Variants in SCN2A observed in about 807,000 individuals in gnomAD.
SCN2A encodes sodium channel protein type 2 subunit alpha.
Under a neutral mutation model 188.7 loss-of-function variants are expected in SCN2A, and 20 were observed. That is an observed-to-expected ratio of 0.11 (90% CI 0.07 to 0.15). SCN2A has a LOEUF of 0.15. Ranked by LOEUF, SCN2A falls within the 10% of genes least tolerant of loss-of-function variation. SCN2A has a pLI of 1.00. For synonymous variants in SCN2A, 804 were observed against 833.1 expected, an observed-to-expected ratio of 0.97 and a Z score of 0.60; for missense variants, 1,278 against 2,445.0, an observed-to-expected ratio of 0.52 and a Z score of 10.07.
At position 165,389,426 on chromosome 2, in the gene SCN2A, G is replaced by A. The variant is rs753977894; in HGVS notation, c.5620G>A (p.Ala1874Thr). 5.1e-5 allele frequency: 83 copies of A among 1,613,800 alleles called. No homozygotes were observed. Among genetic ancestry groups the A allele is most frequent in the Non-Finnish European group, 6.9e-5 (81 of 1,179,972 alleles). Residue 1874 changes from alanine to threonine, a missense_variant, in exon 27 of 27, where the codon GCC becomes ACC. Coordinates refer to ENST00000375437, the MANE Select transcript of SCN2A (RefSeq NM_001040142.2). This position sits in a 1 kb window ranked among gnomAD's most constrained non-coding sequence, Gnocchi z 4.2. Reference protein sequence around the residue: ...RVLGESGEMDALRIQMEERFM... With the variant: ...RVLGESGEMDTLRIQMEERFM... ...TTTGGGTGAGAGTGGAGAGATGGAT[G>A]CCCTTCGAATACAGATGGAAGAGCG... is the stretch of plus-strand genomic sequence containing the variant.
chr2:165,242,017 T>C (rs1693644646), intron 1 of SCN2A, among the ~76,000 whole-genome samples: 1 of 152,130 alleles, frequency 6.6e-6, no homozygotes, highest in Non-Finnish European at 1.5e-5. Context: ...GAAGCTTTTG[T>C]TGTCGGTGTT....
At chr2:165,275,556 A>G (rs1265049523) in intron 1 of SCN2A, among the ~76,000 whole-genome samples, 2 of 152,176 alleles carry the variant, frequency 1.3e-5, no homozygotes, top group African/African-American at 2.4e-5. Flanking sequence ...CCCTTAGTAG[A>G]CATTTCAAAA....
intron 11 of SCN2A, among the ~76,000 whole-genome samples, chr2:165,319,375 T>C (rs1451985216): frequency 1.3e-5 from 2 of 152,162 alleles, no homozygotes; most frequent in African/African-American, 4.8e-5. Context: ...TGGTTCTTAC[T>C]GTAAATAATG....
In SCN2A at chr2:165,370,195, T is replaced by G; in HGVS notation, c.3745T>G (p.Phe1249Val). 1 of 1,614,116 alleles carries G rather than the reference T, an allele frequency of 6.2e-7. No homozygotes were observed. Among genetic ancestry groups the G allele is most frequent in the Non-Finnish European group, 8.5e-7 (1 of 1,179,962 alleles). Reference protein sequence around the residue: ...KTMLEYADKVFTYIFILEMLL... With the variant: ...KTMLEYADKVVTYIFILEMLL... ...CATGTTAGAATATGCTGACAAGGTT[T>G]TCACTTACATATTCATTCTGGAAAT... is the stretch of plus-strand genomic sequence containing the variant. The change falls in exon 20 of 27, where the codon TTC becomes GTC. Residue 1249 changes from phenylalanine (F) to valine (V), a missense_variant. Physicochemically the swap from Phe to Val is conservative, Grantham distance 50 (BLOSUM62 -1). Coordinates refer to ENST00000375437, the MANE Select transcript of SCN2A (RefSeq NM_001040142.2).
chr2:165,388,846 C>T lies in SCN2A; in HGVS notation c.5040C>T (p.Ser1680=). Residue 1680 remains serine, a synonymous_variant, in exon 27 of 27, where the codon TCC becomes TCT. Transcript: ENST00000375437. The stretch of plus-strand genomic sequence containing the variant: ...TCATCTACGCCATCTTTGGGATGTC[C>T]AATTTTGCCTATGTTAAGAGGGAAG... ...VMFIYAIFGM[S]NFAYVKREVG... is the part of the protein sequence containing the mutation. 6.2e-7 allele frequency: 1 copy of T among 1,613,968 alleles called. No individual in the cohort carries two copies. The highest frequency in any genetic ancestry group is 1.3e-5 in the African/African-American group (1 of 74,990).
At chr2:165,281,320 G>A (rs578001659) in intron 1 of SCN2A, among the ~76,000 whole-genome samples, 1 of 152,026 alleles carries the variant, frequency 6.6e-6, no homozygotes, top group Non-Finnish European at 1.5e-5. Context: ...TTCAGTTGTA[G>A]GGGATGGTGT....
intron 1 of SCN2A, among the ~76,000 whole-genome samples, chr2:165,280,705 T>C (rs1481602165): frequency 6.6e-6 from 1 of 152,120 alleles, no homozygotes. Flanking sequence ...GCCACTTCTG[T>C]AGGGCTTTGT....
At position 165,365,204 on chromosome 2, in the gene SCN2A, G is replaced by A. The variant is rs995379212; in HGVS notation, c.3461G>A (p.Gly1154Glu). Residue 1154 changes from glycine to glutamate, a missense_variant, in exon 18 of 27, where the codon GGA becomes GAA. Gly to Glu is a moderately conservative substitution (Grantham distance 98). Coordinates refer to ENST00000375437, the MANE Select transcript of SCN2A (RefSeq NM_001040142.2). Reference sequence around the variant, plus strand: ...GTTGATATTGGAGCTCCCGCCGAGGGAGAACAGCCTGAGGTTGAACCTGAG... The same window carrying A: ...GTTGATATTGGAGCTCCCGCCGAGGAAGAACAGCCTGAGGTTGAACCTGAG... ...STVDIGAPAEGEQPEVEPEES... is the reference protein window; with the variant it reads ...STVDIGAPAEEEQPEVEPEES... 5.6e-6 allele frequency: 9 copies of A among 1,613,844 alleles called. No individual in the cohort carries two copies. Among genetic ancestry groups the A allele is most frequent in the Non-Finnish European group, 6.8e-6 (8 of 1,179,924 alleles).
chr2:165,306,403 C>A (rs16850375), intron 3 of SCN2A, among the ~76,000 whole-genome samples: 1 of 151,728 alleles, frequency 6.6e-6, no homozygotes, highest in East Asian at 1.9e-4. Context: ...GCACAGGGGA[C>A]CCTCTAGTTT....
At chr2:165,299,568 AG>A (rs1255470377) in intron 3 of SCN2A, among the ~76,000 whole-genome samples, 1 of 152,230 alleles carries the variant, frequency 6.6e-6, no homozygotes, top group Non-Finnish European at 1.5e-5. Context: ...TGAGGCTAAT[AG>A]TCTAAGATAC....
chr2:165,288,841 T>C (rs1695974267), intron 1 of SCN2A, among the ~76,000 whole-genome samples: 1 of 152,060 alleles, frequency 6.6e-6, no homozygotes, highest in African/African-American at 2.4e-5. Context: ...GACTTGAACC[T>C]ATGGAATAAG....
intron 1 of SCN2A, chr2:165,273,455 G>T (rs1335998784): frequency 6.6e-6 from 1 of 151,952 alleles, no homozygotes; most frequent in Non-Finnish European, 1.5e-5. Context: ...CCAACACAAA[G>T]AAAAAACACA....
intron 1 of SCN2A, among the ~76,000 whole-genome samples, chr2:165,253,031 T>C (rs1427429276): frequency 6.6e-6 from 1 of 152,020 alleles, no homozygotes; most frequent in African/African-American, 2.4e-5. Flanking sequence ...TGAAGTTCTG[T>C]GTTGGGTCTC....
At chr2:165,378,941 G>C (rs961005428) in intron 23 of SCN2A, among the ~76,000 whole-genome samples, 3 of 151,628 alleles carry the variant, frequency 2.0e-5, no homozygotes, top group African/African-American at 7.3e-5. Flanking sequence ...ATACCAAAAA[G>C]TCTGACAATA....
chr2:165,268,610 C>T (rs1401573830), intron 1 of SCN2A: 2 of 152,262 alleles, frequency 1.3e-5, no homozygotes, highest in Non-Finnish European at 2.9e-5. Context: ...AAAGCATTCC[C>T]CCTGAGAACT....
At chr2:165,242,043 A>AT (rs1218625585) in intron 1 of SCN2A, among the ~76,000 whole-genome samples, 35 of 151,910 alleles carry the variant, frequency 2.3e-4, no homozygotes, top group East Asian at 5.8e-4. Flanking sequence ...TGCAGTTGTT[A>AT]TTTTTTTTCC....
chr2:165,376,749 AAGAG>A (rs1421632532), intron 22 of SCN2A, among the ~76,000 whole-genome samples: 3 of 151,198 alleles, frequency 2.0e-5, no homozygotes, highest in Non-Finnish European at 3.0e-5. Context: ...TAGATAGAGA[AAGAG>A]AGAGAGACTT....
intron 17 of SCN2A, among the ~76,000 whole-genome samples, chr2:165,364,162 C>T (rs1173583652): frequency 2.6e-5 from 4 of 152,148 alleles, no homozygotes; most frequent in African/African-American, 4.8e-5. Flanking sequence ...CTCTTATCAG[C>T]TCAACCATTT....
intron 1 of SCN2A, among the ~76,000 whole-genome samples, chr2:165,259,703 C>A (rs1218327559): frequency 6.6e-6 from 1 of 152,132 alleles, no homozygotes; most frequent in East Asian, 1.9e-4. Context: ...ACCGCATCTG[C>A]AGTTACTTCC....
Sources: allele counts gnomAD v4.1 joint callset (sites outside exome capture counted in the v4.1 genomes callset), GRCh38; gene constraint gnomAD v4.1.1; non-coding constraint Gnocchi (gnomAD v3.1); transcripts MANE v1.5; gene names NCBI Gene and HGNC (gene_info 2026-07-23, HGNC 2026-07-21).